TMOD2: variants seen among roughly 807,000 people sequenced by gnomAD.
The protein encoded by TMOD2 is tropomodulin-2.
Under a neutral mutation model 39.9 loss-of-function variants are expected in TMOD2, and 22 were observed. The observed-to-expected ratio is 0.55, with a 90% CI of 0.39 to 0.79. TMOD2 has a LOEUF of 0.79. TMOD2 is among the 30% of genes least tolerant of loss of function. The pLI, the probability that TMOD2 is intolerant of heterozygous loss-of-function variation, is 0.00. For missense variants in TMOD2, 386 were observed against 413.3 expected (o/e 0.93, Z 0.57); for synonymous variants, 123 against 146.1 (o/e 0.84, Z 1.14).
At chr15:51,762,700 G>A (rs1416227569) in intron 1 of TMOD2, among the ~76,000 whole-genome samples, 1 of 151,948 alleles carries the variant, frequency 6.6e-6, no homozygotes, top group African/African-American at 2.4e-5. Context: ...CCTCTCATCA[G>A]CCCCTCCCAC....
chr15:51,794,325 G>A (rs1273298211), intron 7 of TMOD2, among the ~76,000 whole-genome samples: 1 of 152,178 alleles, frequency 6.6e-6, no homozygotes, highest in Non-Finnish European at 1.5e-5. Flanking sequence ...CTTTTCCACT[G>A]TAAAAACAAT....
Position 51,810,767 on chromosome 15 carries a change from T to C in TMOD2, c.*2313T>C, listed in dbSNP as rs960743630. ...CCTTTTTCCTTTTTTTTTTTTTTTT[T>C]CTTACTCTCATTCTTGCCTTGACTC... On this transcript the variant is annotated 3_prime_UTR_variant, in exon 10 of 10. Transcript: ENST00000249700. 2.7e-5 allele frequency: 4 copies of C among 145,850 alleles called. No homozygotes were observed. The highest frequency in any genetic ancestry group is 4.6e-5 in the Non-Finnish European group (3 of 65,170). 9.0% of individuals were successfully genotyped at this position (145,850 alleles called of 1,614,324 possible).
At chr15:51,752,078 CT>C (rs906492639) in intron 1 of TMOD2, among the ~76,000 whole-genome samples, 4 of 152,046 alleles carry the variant, frequency 2.6e-5, no homozygotes, top group African/African-American at 9.7e-5. Context: ...TGTTCCCCCA[CT>C]TTTCCCCTTC....
chr15:51,813,922 C>CT lies in TMOD2; in HGVS notation c.*5471dup, dbSNP rs970819756. The CT allele has an allele frequency of 6.6e-6, 1 of 152,178 alleles. No individual in the cohort carries two copies. Among genetic ancestry groups the CT allele is most frequent in the Non-Finnish European group, 1.5e-5 (1 of 68,046 alleles). 9.4% of individuals were successfully genotyped at this position (152,178 alleles called of 1,614,324 possible). On this transcript the variant is annotated 3_prime_UTR_variant, in exon 10 of 10. Coordinates refer to ENST00000249700, the MANE Select transcript of TMOD2 (RefSeq NM_014548.4). ...GCTTTATTCTAACCAACCATTACATCTTTCTCATCTTTTGGAGTATGGGTA... is the reference window on the plus strand; with the variant it reads ...GCTTTATTCTAACCAACCATTACATCTTTTCTCATCTTTTGGAGTATGGGTA...
intron 1 of TMOD2, among the ~76,000 whole-genome samples, chr15:51,755,643 C>T (rs2055736693): frequency 6.6e-6 from 1 of 152,080 alleles, no homozygotes; most frequent in Non-Finnish European, 1.5e-5. Context: ...GCTATTCAAG[C>T]GGTGTGCATG....
chr15:51,806,593 G>A (rs2141645851), intron 9 of TMOD2, 72 bp downstream of exon 9: 2 of 1,553,238 alleles, frequency 1.3e-6, no homozygotes, highest in Non-Finnish European at 8.8e-7. Context: ...TTCAGACGCA[G>A]CATCTCACAG....
chr15:51,793,633 T>C (rs147988444), intron 7 of TMOD2, among the ~76,000 whole-genome samples: 3 of 152,384 alleles, frequency 2.0e-5, no homozygotes, highest in Non-Finnish European at 2.9e-5. Flanking sequence ...ACATGTAATA[T>C]GCTCAAATAT....
At chr15:51,788,750 C>T (rs2055988612) in intron 7 of TMOD2, among the ~76,000 whole-genome samples, 1 of 152,282 alleles carries the variant, frequency 6.6e-6, no homozygotes, top group Non-Finnish European at 1.5e-5. Flanking sequence ...TCATATCCAG[C>T]CAAACTAAGC....
intron 3 of TMOD2, 97 bp from the exon 4 acceptor site, chr15:51,773,615 G>A: frequency 8.0e-7 from 1 of 1,251,976 alleles, no homozygotes; most frequent in Non-Finnish European, 1.1e-6. Flanking sequence ...TTAATTATAT[G>A]GGTCTCAATG....
At chr15:51,783,261 A>C (rs2055944010) in intron 7 of TMOD2, 2 of 164,560 alleles carry the variant, frequency 1.2e-5, no homozygotes, top group Admixed American at 6.3e-5. Flanking sequence ...AGGTGGGTGG[A>C]TCATGAGGTC....
chr15:51,760,736 G>A (rs1452313955), intron 1 of TMOD2, among the ~76,000 whole-genome samples: 10 of 152,040 alleles, frequency 6.6e-5, no homozygotes. Context: ...AACCCGGGAG[G>A]TAGAGGTTGC....
chr15:51,811,426 C>T lies in TMOD2; in HGVS notation c.*2972C>T, dbSNP rs1341042663. On this transcript the variant is annotated 3_prime_UTR_variant, in exon 10 of 10. Transcript: ENST00000249700. ...CCCCTTTTAGAGTTGTGCAGGTCCACTTTAAGTGTAAAATCACTCACCTGG... is the reference window on the plus strand; with the variant it reads ...CCCCTTTTAGAGTTGTGCAGGTCCATTTTAAGTGTAAAATCACTCACCTGG... 6.6e-6 allele frequency: 1 copy of T among 152,172 alleles called. No individual in the cohort carries two copies. The highest frequency in any genetic ancestry group is 1.5e-5 in the Non-Finnish European group (1 of 68,032). The allele number at this position is 152,172 out of a possible 1,614,324, so 9.4% of individuals were successfully genotyped here. A position where few individuals can be genotyped will look rare whatever the true frequency, so the allele number is the denominator to read the frequency against.
chr15:51,762,958 C>T (rs926907819), intron 1 of TMOD2, among the ~76,000 whole-genome samples: 5 of 152,052 alleles, frequency 3.3e-5, no homozygotes, highest in Non-Finnish European at 7.4e-5. Context: ...TATTTAGGGA[C>T]AGGGTCTTAT....
At chr15:51,790,484 G>T (rs2056003142) in intron 7 of TMOD2, among the ~76,000 whole-genome samples, 1 of 152,106 alleles carries the variant, frequency 6.6e-6, no homozygotes, top group African/African-American at 2.4e-5. Context: ...GAAAAAGATG[G>T]AATTCTCCCT....
At chr15:51,766,076 T>C (rs1487813687) in intron 1 of TMOD2, among the ~76,000 whole-genome samples, 4 of 152,236 alleles carry the variant, frequency 2.6e-5, no homozygotes, top group Admixed American at 1.3e-4. Flanking sequence ...CCCAGCTCTG[T>C]GACCTCGAGC....
At chr15:51,759,593 G>T (rs1202470238) in intron 1 of TMOD2, among the ~76,000 whole-genome samples, 2 of 152,142 alleles carry the variant, frequency 1.3e-5, no homozygotes, top group Non-Finnish European at 2.9e-5. Flanking sequence ...TTGCTGGATT[G>T]AGCAATCTTT....
At chr15:51,792,560 C>G (rs2056019567) in intron 7 of TMOD2, among the ~76,000 whole-genome samples, 1 of 152,156 alleles carries the variant, frequency 6.6e-6, no homozygotes, top group Admixed American at 6.6e-5. Flanking sequence ...AAGACACATG[C>G]ACACATATGT....
rs1011194101 is a variant in TMOD2, at chr15:51,809,643, A to G, written c.*1189A>G. The G allele has an allele frequency of 6.6e-6, 1 of 152,252 alleles. No individual in the cohort carries two copies. Among genetic ancestry groups the G allele is most frequent in the Non-Finnish European group, 1.5e-5 (1 of 68,042 alleles). 9.4% of individuals were successfully genotyped at this position (152,252 alleles called of 1,614,324 possible). A position where few individuals can be genotyped will look rare whatever the true frequency, so the allele number is the denominator to read the frequency against. On this transcript the variant is annotated 3_prime_UTR_variant, in exon 10 of 10. Coordinates refer to ENST00000249700, the MANE Select transcript of TMOD2 (RefSeq NM_014548.4). ...GCAGGTGACTGCAGCCTTTGGCTCA[A>G]GCTCACAACTCTGATAACTGTCAGT...
At chr15:51,762,581 A>G (rs1460721058) in intron 1 of TMOD2, among the ~76,000 whole-genome samples, 2 of 152,242 alleles carry the variant, frequency 1.3e-5, no homozygotes, top group Non-Finnish European at 2.9e-5. Context: ...TTTCAAGTGT[A>G]CAGTTTGATA....
Sources: gnomAD v4.1 joint callset for allele counts (sites outside exome capture counted in the v4.1 genomes callset) on GRCh38, gnomAD v4.1.1 for gene constraint, MANE v1.5 for transcripts, NCBI Gene and HGNC (gene_info 2026-07-23, HGNC 2026-07-21) for gene names.